Variants in SHANK2 observed in about 807,000 individuals in gnomAD.
The protein encoded by SHANK2 is SH3 and multiple ankyrin repeat domains protein 2.
Under a neutral mutation model 133.7 loss-of-function variants are expected in SHANK2, and 43 were observed. The ratio of observed to expected loss-of-function variants is 0.32; its 90% CI spans 0.25 to 0.41. SHANK2 has a LOEUF of 0.41. Ranked by LOEUF, SHANK2 falls within the 10% of genes least tolerant of loss-of-function variation. SHANK2 has a pLI of 1.00. For missense variants in SHANK2, 1,994 were observed against 2,235.8 expected, an observed-to-expected ratio of 0.89 and a Z score of 2.18; for synonymous variants, 1,017 against 952.8, an observed-to-expected ratio of 1.07 and a Z score of -1.24.
At chr11:71,186,807 A>T (rs1555114528) in intron 2 of SHANK2, among the ~76,000 whole-genome samples, 1 of 152,156 alleles carries the variant, frequency 6.6e-6, no homozygotes, top group Non-Finnish European at 1.5e-5. Flanking sequence ...GTTGTAGGAA[A>T]CGTGTCCCAG....
chr11:71,187,740 T>G (rs1305132140), intron 2 of SHANK2, among the ~76,000 whole-genome samples: 1 of 151,746 alleles, frequency 6.6e-6, no homozygotes, highest in Non-Finnish European at 1.5e-5. Context: ...GCACTGACTC[T>G]GCCTTTTTCT....
At chr11:71,169,368 C>A (rs1953259534) in intron 2 of SHANK2, among the ~76,000 whole-genome samples, 1 of 152,194 alleles carries the variant, frequency 6.6e-6, no homozygotes, top group Admixed American at 6.5e-5. Flanking sequence ...GCTTAGGATT[C>A]TTTAGGCCTG....
intron 10 of SHANK2, among the ~76,000 whole-genome samples, chr11:70,940,237 C>CCCTTCCTCCCTCCCTCCCT (rs1555084167): frequency 8.7e-6 from 1 of 114,914 alleles, no homozygotes; most frequent in Non-Finnish European, 1.7e-5. Flanking sequence ...CTCCCTTCTT[C>CCCTTCCTCCCTCCCTCCCT]TCTCTCTCTC....
chr11:70,889,737 T>C (rs1234946451), intron 11 of SHANK2, among the ~76,000 whole-genome samples: 1 of 151,832 alleles, frequency 6.6e-6, no homozygotes, highest in Admixed American at 6.6e-5. Flanking sequence ...CCTCAGTGGG[T>C]AGGAGAGGGT....
At chr11:71,151,443 T>C (rs1213105987) in intron 2 of SHANK2, among the ~76,000 whole-genome samples, 12 of 152,076 alleles carry the variant, frequency 7.9e-5, no homozygotes, top group Admixed American at 5.9e-4. Flanking sequence ...CAGCAGCCAC[T>C]CCTCATCAGA....
intron 14 of SHANK2, among the ~76,000 whole-genome samples, chr11:70,768,409 A>G (rs1947173600): frequency 6.6e-6 from 1 of 152,190 alleles, no homozygotes; most frequent in African/African-American, 2.4e-5. Context: ...GAGTGTCACC[A>G]CACCAAGAAA....
chr11:71,056,855 GAAAGA>G (rs1274648083), intron 9 of SHANK2, among the ~76,000 whole-genome samples: 1 of 149,010 alleles, frequency 6.7e-6, no homozygotes, highest in East Asian at 2.0e-4. Context: ...GAAGAAAGAA[GAAAGA>G]AAAGAAAAGA....
chr11:71,070,138 C>T (rs1951124440), intron 9 of SHANK2, among the ~76,000 whole-genome samples: 1 of 152,196 alleles, frequency 6.6e-6, no homozygotes, highest in Non-Finnish European at 1.5e-5. Flanking sequence ...CTGGAAGATG[C>T]AGACATGAAG....
chr11:71,142,488 G>A lies in SHANK2; in HGVS notation c.207+4632C>T, dbSNP rs376303791. Among the ~76,000 whole-genome samples the A allele has an allele frequency of 1.4e-4, 21 of 152,072 alleles. No individual in the cohort carries two copies. The East Asian group carries it at 2.7e-3, about 20-fold the overall frequency. On this transcript the variant is annotated intron_variant, in intron 3 of 25. Transcript: ENST00000601538. Reference sequence around the variant, plus strand: ...TGCACTCCAGCCTGGGCAACAGAGCGAGACTCTCTTTCAATAAAAACAAAC... The same window carrying A: ...TGCACTCCAGCCTGGGCAACAGAGCAAGACTCTCTTTCAATAAAAACAAAC...
intron 17 of SHANK2, among the ~76,000 whole-genome samples, chr11:70,605,947 T>G (rs4980625): frequency 0.48 from 73,481 of 151,698 alleles, 18,060 homozygotes; most frequent in East Asian, 0.66. Context: ...CAACCTATTA[T>G]TCCCCCCCCT....
chr11:71,218,348 T>C (rs926046032), intron 2 of SHANK2, among the ~76,000 whole-genome samples: 3 of 145,452 alleles, frequency 2.1e-5, no homozygotes, highest in African/African-American at 7.6e-5. Flanking sequence ...CACCGCAACC[T>C]GCGCCTCCCA....
At chr11:70,826,041 G>A (rs1590730504) in intron 11 of SHANK2, among the ~76,000 whole-genome samples, 1 of 152,212 alleles carries the variant, frequency 6.6e-6, no homozygotes, top group East Asian at 1.9e-4. Flanking sequence ...GGGAGAGCCG[G>A]GAGCAGCTCG....
chr11:70,935,676 G>C (rs782702954), intron 10 of SHANK2, among the ~76,000 whole-genome samples: 1 of 152,074 alleles, frequency 6.6e-6, no homozygotes, highest in Non-Finnish European at 1.5e-5. Context: ...CATGTGCCGG[G>C]CCCCGAGTGG....
intron 17 of SHANK2, among the ~76,000 whole-genome samples, chr11:70,645,758 A>G (rs1320691383): frequency 6.6e-6 from 1 of 152,102 alleles, no homozygotes; most frequent in Non-Finnish European, 1.5e-5. Context: ...GGGGCAAGGC[A>G]GAGTGCCCTG....
chr11:70,550,829 G>A (rs2059755993), intron 17 of SHANK2, among the ~76,000 whole-genome samples: 1 of 152,222 alleles, frequency 6.6e-6, no homozygotes, highest in South Asian at 2.1e-4. Flanking sequence ...GCCCAGAGGT[G>A]GTGGAAATGT....
At chr11:70,722,955 T>G (rs1946100865) in intron 14 of SHANK2, among the ~76,000 whole-genome samples, 1 of 152,182 alleles carries the variant, frequency 6.6e-6, no homozygotes, top group Non-Finnish European at 1.5e-5. Context: ...TAGATAAAAA[T>G]CTCACTGTTA....
chr11:70,916,628 C>T (rs1244404078), intron 10 of SHANK2, among the ~76,000 whole-genome samples: 1 of 152,038 alleles, frequency 6.6e-6, no homozygotes. Flanking sequence ...TAATTATCCA[C>T]CTGTGTCAGT....
At chr11:70,505,739 C>T (rs1253172743) in intron 17 of SHANK2, among the ~76,000 whole-genome samples, 1 of 152,156 alleles carries the variant, frequency 6.6e-6, no homozygotes, top group Non-Finnish European at 1.5e-5. Flanking sequence ...ACTGGAGAAG[C>T]CAAGCTCAAG....
intron 1 of SHANK2, among the ~76,000 whole-genome samples, chr11:71,234,436 A>G (rs1954798239): frequency 6.6e-6 from 1 of 152,048 alleles, no homozygotes; most frequent in Non-Finnish European, 1.5e-5. Flanking sequence ...ATGCACCTCT[A>G]TTTTTGGAGG....
Sources: allele counts gnomAD v4.1 joint callset (sites outside exome capture counted in the v4.1 genomes callset), GRCh38; gene constraint gnomAD v4.1.1; transcripts MANE v1.5; gene names NCBI Gene and HGNC (gene_info 2026-07-23, HGNC 2026-07-21).